Variants in PDGFB observed in about 807,000 individuals in gnomAD.
PDGFB encodes the protein platelet derived growth factor subunit B.
PDGFB carries 6 observed loss-of-function variants against 29.0 expected under a neutral mutation model. The observed-to-expected ratio is 0.21, with a 90% CI of 0.11 to 0.41. The LOEUF (loss-of-function observed/expected upper bound fraction) is 0.41, where lower values mean the gene tolerates loss of function less well. PDGFB is among the 10% of genes least tolerant of loss of function. The probability of loss-of-function intolerance (pLI) is 1.00; values close to 1 mark genes in which losing one functional copy is unlikely to be tolerated. For missense variants in PDGFB, 299 were observed against 341.8 expected, an observed-to-expected ratio of 0.87 and a Z score of 0.99; for synonymous variants, 144 against 140.8, an observed-to-expected ratio of 1.02 and a Z score of -0.16.
intron 1 of PDGFB, among the ~76,000 whole-genome samples, chr22:39,238,602 A>T (rs991287434): frequency 6.6e-6 from 1 of 152,240 alleles, no homozygotes; most frequent in African/African-American, 2.4e-5. Flanking sequence ...TTAAACAAGC[A>T]GCAACAGGTC....
rs1393453211 is a variant in PDGFB at position 39,241,019 on chromosome 22, G to A, written c.63+2882C>T. On this transcript the variant is annotated intron_variant, in intron 1 of 6. Coordinates refer to ENST00000331163, the MANE Select transcript of PDGFB (RefSeq NM_002608.4). ...TTGACCTGCCCTTGCACACCTCCAGGGCTCTGGGATTCCAGCAGTTGGTCT... is the reference window on the plus strand; with the variant it reads ...TTGACCTGCCCTTGCACACCTCCAGAGCTCTGGGATTCCAGCAGTTGGTCT... 8 of 870,412 alleles carry A rather than the reference G, an allele frequency of 9.2e-6. No homozygotes were observed. In the African/African-American group the frequency reaches 1.2e-4, roughly 13 times the overall value. 53.9% of individuals were successfully genotyped at this position (870,412 alleles called of 1,614,324 possible).
At chr22:39,233,364 G>T in intron 3 of PDGFB, 71 bp downstream of exon 3, 3 of 1,192,210 alleles carry the variant, frequency 2.5e-6, no homozygotes, top group Non-Finnish European at 3.6e-6. Flanking sequence ...CCGACTGGCT[G>T]CCCGCCCCCG....
rs35585870 is a variant in PDGFB, at chr22:39,230,091, C to T, written c.594G>A (p.Glu198=). Residue 198 remains glutamate (E), a synonymous_variant, in exon 5 of 7, where the codon GAG becomes GAA. Transcript: ENST00000331163. The part of the protein sequence containing the change: ...PVTRSPGGSQ[E]QRAKTPQTRV... ...GCCTGGAAAGGTGGTTACCTCGCTG[C>T]TCCTGGGAACCCCCCGGGCTTCGGG... The T allele has an allele frequency of 2.2e-5, 35 of 1,613,584 alleles. No homozygotes were observed. Among genetic ancestry groups the T allele is most frequent in the Admixed American group, 5.0e-5 (3 of 60,000 alleles).
chr22:39,233,204 C>G (rs1276933471), intron 3 of PDGFB, among the ~76,000 whole-genome samples: 1 of 152,190 alleles, frequency 6.6e-6, no homozygotes, highest in Non-Finnish European at 1.5e-5. Flanking sequence ...AACGAATGAG[C>G]TTTGCAGCAC....
chr22:39,227,548 G>A (rs980026562), intron 5 of PDGFB, among the ~76,000 whole-genome samples: 4 of 146,078 alleles, frequency 2.7e-5, no homozygotes, highest in South Asian at 2.1e-4. Flanking sequence ...TGCTGTTACC[G>A]GCAGATGCTG....
chr22:39,229,936 T>G (rs1379246885), intron 5 of PDGFB, 148 bp downstream of exon 5: 2 of 975,998 alleles, frequency 2.0e-6, no homozygotes, highest in East Asian at 4.9e-5. Flanking sequence ...GGGAGGAACC[T>G]GGCTTGTGTC....
Position 39,243,840 on chromosome 22 carries a change from T to G in PDGFB, c.63+61A>C. 2.2e-6 allele frequency: 3 copies of G among 1,377,610 alleles called. No individual in the cohort carries two copies. The highest frequency in any genetic ancestry group is 2.9e-5 in the African/African-American group (2 of 68,514). 85.3% of individuals were successfully genotyped at this position (1,377,610 alleles called of 1,614,324 possible). On this transcript the variant is annotated intron_variant, in intron 1 of 6. Coordinates refer to ENST00000331163, the MANE Select transcript of PDGFB (RefSeq NM_002608.4). This position sits in a 1 kb window ranked among gnomAD's most constrained non-coding sequence, Gnocchi z 6.4. ...TCACTGCAGGGAGAGGAGGGGGCGG[T>G]CAGAAGGGGGGGGCGAAGGTAATGA...
rs1485529140 is a variant in PDGFB at position 39,233,474 on chromosome 22, C to G, written c.211G>C (p.Gly71Arg). 9 of 1,594,612 alleles carry G rather than the reference C, an allele frequency of 5.6e-6. No individual in the cohort carries two copies. The East Asian group carries it at 2.1e-4, about 38-fold the overall frequency. Residue 71 changes from glycine (G) to arginine (R), a missense_variant, in exon 3 of 7, where the codon GGC becomes CGC. Physicochemically the swap from Gly to Arg is moderately radical, Grantham distance 125 (BLOSUM62 -2). Transcript: ENST00000331163. ...CCACGAGCCAAGCTCTCCAGCTCGC[C>G]TCCAGAGTGGGAGCGGGTCATGTTC... ...DLNMTRSHSG[G>R]ELESLARGRR...
In PDGFB at chr22:39,232,947, A is replaced by G. The variant is rs78647835; in HGVS notation, c.250+488T>C. ...TCTACGGTCTCCTTTAGGTCTCTGC[A>G]AGGGAGCAGGAGGAAGTTCCAGGCT... On this transcript the variant is annotated intron_variant, in intron 3 of 6. Coordinates refer to ENST00000331163, the MANE Select transcript of PDGFB (RefSeq NM_002608.4). Among the ~76,000 whole-genome samples the G allele has an allele frequency of 3.3e-3, 509 of 152,308 alleles. 3 individuals are homozygous for G. Among genetic ancestry groups the G allele is most frequent in the African/African-American group, 0.012 (490 of 41,558 alleles).
chr22:39,243,751 C>T lies in PDGFB; in HGVS notation c.63+150G>A. 1 of 568,920 alleles carries T rather than the reference C, an allele frequency of 1.8e-6. No homozygotes were observed. Among genetic ancestry groups the T allele is most frequent in the Non-Finnish European group, 3.1e-6 (1 of 322,480 alleles). The allele number at this position is 568,920 out of a possible 1,614,324, so 35.2% of individuals were successfully genotyped here. ...TAGAGCCTGTCACCCCCGGACCTCG[C>T]TCCCAGCCCGAAGAGGTCACCCAGC... On this transcript the variant is annotated intron_variant, in intron 1 of 6. Transcript: ENST00000331163. This position sits in a 1 kb window ranked among gnomAD's most constrained non-coding sequence, Gnocchi z 6.4.
In PDGFB at chr22:39,242,112, G is replaced by A. The variant is rs532789545; in HGVS notation, c.63+1789C>T. 6 of 227,404 alleles carry A rather than the reference G, an allele frequency of 2.6e-5. No homozygotes were observed. The South Asian group carries it at 9.1e-4, about 35-fold the overall frequency. 14.1% of individuals were successfully genotyped at this position (227,404 alleles called of 1,614,324 possible). A position where few individuals can be genotyped will look rare whatever the true frequency, so the allele number is the denominator to read the frequency against. ...CGTGCGTGGGTGTGCGCGCACGTGTGCTCAGGCCGCGCGTGCAGGGGCCGT... is the reference window on the plus strand; with the variant it reads ...CGTGCGTGGGTGTGCGCGCACGTGTACTCAGGCCGCGCGTGCAGGGGCCGT... On this transcript the variant is annotated intron_variant, in intron 1 of 6. Coordinates refer to ENST00000331163, the MANE Select transcript of PDGFB (RefSeq NM_002608.4). The surrounding 1 kb of genome is among the most constrained non-coding windows in gnomAD (Gnocchi z 5.7).
At position 39,244,686 on chromosome 22, in the gene PDGFB, C is replaced by A. The variant is rs879267828; in HGVS notation, c.-723G>T. 2.4e-4 allele frequency: 42 copies of A among 175,768 alleles called. No homozygotes were observed. The highest frequency in any genetic ancestry group is 7.9e-4 in the African/African-American group (33 of 41,938). The allele number at this position is 175,768 out of a possible 1,614,324, so 10.9% of individuals were successfully genotyped here. On this transcript the variant is annotated 5_prime_UTR_variant, in exon 1 of 7. Coordinates refer to ENST00000331163, the MANE Select transcript of PDGFB (RefSeq NM_002608.4). This position sits in a 1 kb window ranked among gnomAD's most constrained non-coding sequence, Gnocchi z 4.5. ...TGGACGCGGCGCGAGTCCGTCGGTC[C>A]GTCTGCCCGCCCGCTCGCCGCTCTG...
intron 2 of PDGFB, among the ~76,000 whole-genome samples, chr22:39,234,623 G>T (rs565818191): frequency 6.6e-6 from 1 of 152,220 alleles, no homozygotes; most frequent in Non-Finnish European, 1.5e-5. Flanking sequence ...CTACGTCAAC[G>T]AGCCTATCTG....
Position 39,231,674 on chromosome 22 carries a change from T to C in PDGFB, c.404A>G (p.Asn135Ser). ...GGGGCGGCACTGCACGTTGCGGTTG[T>C]TGCAGCAGCCGGAGCAGCGCTGCAC... Reference protein sequence around the residue: ...VEVQRCSGCCNNRNVQCRPTQ... With the variant: ...VEVQRCSGCCSNRNVQCRPTQ... The change falls in exon 4 of 7, where the codon AAC becomes AGC. Residue 135 changes from asparagine (N) to serine (S), a missense_variant. Coordinates refer to ENST00000331163, the MANE Select transcript of PDGFB (RefSeq NM_002608.4). This position sits in a 1 kb window ranked among gnomAD's most constrained non-coding sequence, Gnocchi z 4.3. 6.3e-7 allele frequency: 1 copy of C among 1,596,846 alleles called. No individual in the cohort carries two copies. Among genetic ancestry groups the C allele is most frequent in the Non-Finnish European group, 8.5e-7 (1 of 1,172,708 alleles).
rs888699430 is a variant in PDGFB at position 39,231,369 on chromosome 22, G to A, written c.456+253C>T. Among the ~76,000 whole-genome samples, 2 of 152,164 alleles carry A rather than the reference G, an allele frequency of 1.3e-5. No individual in the cohort carries two copies. Among genetic ancestry groups the A allele is most frequent in the African/African-American group, 2.4e-5 (1 of 41,450 alleles). On this transcript the variant is annotated intron_variant, in intron 4 of 6. Coordinates refer to ENST00000331163, the MANE Select transcript of PDGFB (RefSeq NM_002608.4). This position sits in a 1 kb window ranked among gnomAD's most constrained non-coding sequence, Gnocchi z 4.3. Reference sequence around the variant, plus strand: ...GTTGGCTCCACACCTCGCCCAGCCCGGGGGGTCTGTCTGTGGCTTTTGGCT... The same window carrying A: ...GTTGGCTCCACACCTCGCCCAGCCCAGGGGGTCTGTCTGTGGCTTTTGGCT...
At position 39,229,984 on chromosome 22, in the gene PDGFB, CG is replaced by C. The variant is rs1198347142; in HGVS notation, c.601+99del. Reference sequence around the variant, plus strand: ...AAAGAAAGCCTCCCGTGAATTTAACCGGGGGCGGGCCTGATCCCATTTCCAT... The same window carrying C: ...AAAGAAAGCCTCCCGTGAATTTAACCGGGGCGGGCCTGATCCCATTTCCAT... On this transcript the variant is annotated intron_variant, in intron 5 of 6. Coordinates refer to ENST00000331163, the MANE Select transcript of PDGFB (RefSeq NM_002608.4). 4.1e-5 allele frequency: 55 copies of C among 1,348,874 alleles called. No homozygotes were observed. In the East Asian group the frequency reaches 1.2e-3, roughly 30 times the overall value. 83.6% of individuals were successfully genotyped at this position (1,348,874 alleles called of 1,614,324 possible). A position where few individuals can be genotyped will look rare whatever the true frequency, so the allele number is the denominator to read the frequency against.
At chr22:39,235,664 A>G (rs1361858223) in intron 2 of PDGFB, 114 bp downstream of exon 2, 11 of 744,814 alleles carry the variant, frequency 1.5e-5, no homozygotes, top group East Asian at 8.1e-5. Context: ...CTGGGCTGCC[A>G]TGGGCCTCTA....
At position 39,235,801 on chromosome 22, in the gene PDGFB, C is replaced by T. The variant is rs146223851; in HGVS notation, c.137G>A (p.Arg46His). The T allele has an allele frequency of 1.5e-4, 247 of 1,613,378 alleles. No homozygotes were observed. The highest frequency in any genetic ancestry group is 6.5e-4 in the African/African-American group (49 of 75,032). ...HSIRSFDDLQ[R>H]LLHGDPGEED... ...ACCTCCGGGGTCTCCGTGCAGCAGG[C>T]GTTGGAGATCATCAAAGGAGCGGAT... Residue 46 changes from arginine (R) to histidine (H), a missense_variant, in exon 2 of 7, where the codon CGC (arginine) becomes CAC (histidine). Transcript: ENST00000331163.
chr22:39,232,317 GATA>G (rs1164003824), intron 3 of PDGFB, among the ~76,000 whole-genome samples: 1 of 152,160 alleles, frequency 6.6e-6, no homozygotes, highest in Non-Finnish European at 1.5e-5. Context: ...TATGAAATGG[GATA>G]ATAACAGCAC....
Sources: gnomAD v4.1 joint callset for allele counts (sites outside exome capture counted in the v4.1 genomes callset) on GRCh38, gnomAD v4.1.1 for gene constraint, Gnocchi (gnomAD v3.1) non-coding constraint, MANE v1.5 for transcripts, NCBI Gene and HGNC (gene_info 2026-07-23, HGNC 2026-07-21) for gene names.